Variants in GUCY2D observed in about 807,000 individuals in gnomAD.
GUCY2D encodes guanylate cyclase 2D, retinal.
Under a neutral mutation model 101.3 loss-of-function variants are expected in GUCY2D, and 70 were observed. That is an observed-to-expected ratio of 0.69 (90% CI 0.57 to 0.84). The LOEUF (loss-of-function observed/expected upper bound fraction) is 0.84, where lower values mean the gene tolerates loss of function less well. Among genes scored for constraint, GUCY2D ranks in the 40% least tolerant of loss-of-function variants. The pLI, the probability that GUCY2D is intolerant of heterozygous loss-of-function variation, is 0.00. For synonymous variants in GUCY2D, 688 were observed against 670.7 expected (o/e 1.03, Z -0.40); for missense variants, 1,460 against 1,542.5 (o/e 0.95, Z 0.90).
chr17:8,015,196 C>T, intron 14 of GUCY2D, 132 bp from the exon 15 acceptor site: 1 of 1,079,514 alleles, frequency 9.3e-7, no homozygotes, highest in Non-Finnish European at 1.4e-6. Context: ...TCCTCCAGTC[C>T]CCAGCTCAGT....
intron 6 of GUCY2D, 105 bp downstream of exon 6, chr17:8,007,633 C>CT: frequency 1.4e-6 from 1 of 739,512 alleles, no homozygotes; most frequent in South Asian, 1.5e-5. Flanking sequence ...AGCCTGATTT[C>CT]TACCCCAGTT....
At chr17:8,006,758 A>G in intron 4 of GUCY2D, 44 bp downstream of exon 4, 1 of 1,475,716 alleles carries the variant, frequency 6.8e-7, no homozygotes, top group South Asian at 1.2e-5. Flanking sequence ...ATCGCCATGG[A>G]CCATCCACAA....
chr17:8,006,231 G>A lies in GUCY2D; in HGVS notation c.1027-132G>A. 4.1e-6 allele frequency: 3 copies of A among 732,728 alleles called. No individual in the cohort carries two copies. The South Asian group carries it at 4.4e-5, about 11-fold the overall frequency. 45.4% of individuals were successfully genotyped at this position (732,728 alleles called of 1,614,324 possible). ...GGGGAGGGAGGAAGAGATAGCCAAT[G>A]GGGAGGGATCCTGGGAACAACTAAC... is the stretch of plus-strand genomic sequence containing the variant. On this transcript the variant is annotated intron_variant, in intron 3 of 19. Coordinates refer to ENST00000254854, the MANE Select transcript of GUCY2D (RefSeq NM_000180.4).
rs1975930611 is a variant in GUCY2D, at chr17:8,014,814, C to T, written c.2577-45C>T. 6.2e-7 allele frequency: 1 copy of T among 1,610,568 alleles called. No homozygotes were observed. Among genetic ancestry groups the T allele is most frequent in the Non-Finnish European group, 8.5e-7 (1 of 1,177,006 alleles). ...GCTGGGAGGGCAGCTGGAGCCCAGC[C>T]AGGTAGAGTGGCCCCCAGGTGACCT... On this transcript the variant is annotated intron_variant, in intron 13 of 19. Transcript: ENST00000254854. This position sits in a 1 kb window ranked among gnomAD's most constrained non-coding sequence, Gnocchi z 4.0.
At position 8,014,619 on chromosome 17, in the gene GUCY2D, G is replaced by A. The variant is rs1196292120; in HGVS notation, c.2431G>A (p.Gly811Ser). Residue 811 changes from glycine to serine, a missense_variant, in exon 13 of 20, where the codon GGC (glycine) becomes AGC (serine). Around this residue, in one of 3 missense-constraint regions of GUCY2D, gnomAD observed 1,196 missense variants for 1,229.6 expected, o/e 0.97. Coordinates refer to ENST00000254854, the MANE Select transcript of GUCY2D (RefSeq NM_000180.4). The surrounding 1 kb of genome is among the most constrained non-coding windows in gnomAD (Gnocchi z 4.0). ...TFDLFKNINK[G>S]RKTNIIDSML... is the part of the protein sequence containing the mutation. ...CTGCTAGTTCAAGAACATCAACAAGGGCCGGAAGACGAACATCATTGACTC... is the reference window on the plus strand; with the variant it reads ...CTGCTAGTTCAAGAACATCAACAAGAGCCGGAAGACGAACATCATTGACTC... 4.3e-6 allele frequency: 7 copies of A among 1,614,140 alleles called. No homozygotes were observed. Among genetic ancestry groups the A allele is most frequent in the Non-Finnish European group, 5.9e-6 (7 of 1,180,014 alleles).
At position 8,015,978 on chromosome 17, in the gene GUCY2D, ACTCGGG is replaced by A; in HGVS notation, c.3098_3103del (p.Ser1033_Gly1034del). 6.2e-7 allele frequency: 1 copy of A among 1,611,846 alleles called. No homozygotes were observed. The highest frequency in any genetic ancestry group is 8.5e-7 in the Non-Finnish European group (1 of 1,179,320). The stretch of plus-strand genomic sequence containing the variant: ...ACTGTGGGGATTCTCCGTGCTCTGG[ACTCGGG>A]CTACCAGGTGGAGCTGCGAGGCCGC... On this transcript the variant is annotated inframe_deletion, in exon 17 of 20. Coordinates refer to ENST00000254854, the MANE Select transcript of GUCY2D (RefSeq NM_000180.4).
At chr17:8,004,483 T>G (rs376076112) in intron 3 of GUCY2D, among the ~76,000 whole-genome samples, 2 of 152,262 alleles carry the variant, frequency 1.3e-5, no homozygotes, top group East Asian at 3.9e-4. Context: ...AAATACTTGG[T>G]GTTCTTGAAA....
At position 8,014,655 on chromosome 17, in the gene GUCY2D, A is replaced by G; in HGVS notation, c.2467A>G (p.Met823Val). ...GAACATCATTGACTCGATGCTTCGG[A>G]TGCTGGAGCAGTACTCTAGTAACCT... The part of the protein sequence containing the change: ...KTNIIDSMLR[M>V]LEQYSSNLED... Residue 823 changes from methionine (M) to valine (V), a missense_variant, in exon 13 of 20, where the codon ATG becomes GTG. Met to Val is a conservative substitution (Grantham distance 21). Around this residue, in one of 3 missense-constraint regions of GUCY2D, gnomAD observed 1,196 missense variants for 1,229.6 expected, o/e 0.97. Transcript: ENST00000254854. This position sits in a 1 kb window ranked among gnomAD's most constrained non-coding sequence, Gnocchi z 4.0. The G allele has an allele frequency of 6.8e-6, 11 of 1,613,962 alleles. No individual in the cohort carries two copies. Among genetic ancestry groups the G allele is most frequent in the Non-Finnish European group, 9.3e-6 (11 of 1,179,824 alleles).
In GUCY2D at chr17:8,003,506, C is replaced by T. The variant is rs2151799423; in HGVS notation, c.459C>T (p.Pro153=). The change falls in exon 2 of 20, where the codon CCC becomes CCT. Residue 153 remains proline (P), a synonymous_variant. Coordinates refer to ENST00000254854, the MANE Select transcript of GUCY2D (RefSeq NM_000180.4). ...TCGCGCTGGTGCCCTGGGGCTGCCC[C>T]TGGACGCAGGCGGAGGGCACCACGG... ...AGIALVPWGC[P]WTQAEGTTAP... 6.5e-7 allele frequency: 1 copy of T among 1,532,652 alleles called. No homozygotes were observed. The highest frequency in any genetic ancestry group is 8.7e-7 in the Non-Finnish European group (1 of 1,145,990). The allele number at this position is 1,532,652 out of a possible 1,614,324, so 94.9% of individuals were successfully genotyped here. A position where few individuals can be genotyped will look rare whatever the true frequency, so the allele number is the denominator to read the frequency against.
In GUCY2D at chr17:8,006,458, C is replaced by A. The variant is rs376364350; in HGVS notation, c.1122C>A (p.Ser374=). ...ARAAAGGRWV[S]GAAVARHIRD... ...CTGCCGCAGGTGGCAGATGGGTGTC[C>A]GGAGCAGCTGTGGCCCGCCACATCC... The change falls in exon 4 of 20, where the codon TCC becomes TCA. Residue 374 remains serine, a synonymous_variant. Coordinates refer to ENST00000254854, the MANE Select transcript of GUCY2D (RefSeq NM_000180.4). 1.2e-6 allele frequency: 2 copies of A among 1,605,496 alleles called. No homozygotes were observed. The highest frequency in any genetic ancestry group is 3.3e-5 in the Admixed American group (2 of 60,024).
chr17:8,006,726 C>A lies in GUCY2D; in HGVS notation c.1378+12C>A. 1 of 1,579,060 alleles carries A rather than the reference C, an allele frequency of 6.3e-7. No homozygotes were observed. Among genetic ancestry groups the A allele is most frequent in the Non-Finnish European group, 8.6e-7 (1 of 1,157,958 alleles). On this transcript the variant is annotated intron_variant, in intron 4 of 19. Coordinates refer to ENST00000254854, the MANE Select transcript of GUCY2D (RefSeq NM_000180.4). ...CATCTGCGGTGGAGGTGAGGGCGAG[C>A]ACCCCAGTCCCCACTGAGACAATCG...
rs1975911307 is a variant in GUCY2D, at chr17:8,014,008, A to C, written c.2392A>C (p.Met798Leu). Residue 798 changes from methionine to leucine, a missense_variant, in exon 12 of 20, where the codon ATG becomes CTG. Coordinates refer to ENST00000254854, the MANE Select transcript of GUCY2D (RefSeq NM_000180.4). This position sits in a 1 kb window ranked among gnomAD's most constrained non-coding sequence, Gnocchi z 4.0. ...AGAGCAGCCGGAACTTCGGCCCTCC[A>C]TGGACCACACCTTCGACCTGGTCAG... Reference protein sequence around the residue: ...WAEQPELRPSMDHTFDLFKNI... With the variant: ...WAEQPELRPSLDHTFDLFKNI... The C allele has an allele frequency of 6.2e-7, 1 of 1,613,428 alleles. No homozygotes were observed. The highest frequency in any genetic ancestry group is 8.5e-7 in the Non-Finnish European group (1 of 1,179,956).
Position 8,014,227 on chromosome 17 carries a change from G to C in GUCY2D, c.2412+199G>C. The C allele has an allele frequency of 4.7e-6, 3 of 642,956 alleles. No homozygotes were observed. Among genetic ancestry groups the C allele is most frequent in the Non-Finnish European group, 8.3e-6 (3 of 359,428 alleles). 39.8% of individuals were successfully genotyped at this position (642,956 alleles called of 1,614,324 possible). A position where few individuals can be genotyped will look rare whatever the true frequency, so the allele number is the denominator to read the frequency against. On this transcript the variant is annotated intron_variant, in intron 12 of 19. Coordinates refer to ENST00000254854, the MANE Select transcript of GUCY2D (RefSeq NM_000180.4). This position sits in a 1 kb window ranked among gnomAD's most constrained non-coding sequence, Gnocchi z 4.0. ...GTGGAGGCTTTTGGAGTGGGAGATAGAGTTCTGTCTGGGTGGGAGGAATAT... is the reference window on the plus strand; with the variant it reads ...GTGGAGGCTTTTGGAGTGGGAGATACAGTTCTGTCTGGGTGGGAGGAATAT...
Position 8,003,192 on chromosome 17 carries a change from GC to G in GUCY2D, c.148del (p.Leu50SerfsTer35). 6.6e-7 allele frequency: 1 copy of G among 1,517,456 alleles called. No individual in the cohort carries two copies. The allele number at this position is 1,517,456 out of a possible 1,614,324, so 94.0% of individuals were successfully genotyped here. A position where few individuals can be genotyped will look rare whatever the true frequency, so the allele number is the denominator to read the frequency against. ...LLLLLLLQPP[A>X]LSAVFTVGVL... ...GCTCCTGCTTCTGCTGCAGCCCCCCGCCCTCTCCGCCGTGTTCACGGTGGGG... is the reference window on the plus strand; with the variant it reads ...GCTCCTGCTTCTGCTGCAGCCCCCCGCCTCTCCGCCGTGTTCACGGTGGGG... On this transcript the variant is annotated frameshift_variant, in exon 2 of 20. Transcript: ENST00000254854. LOFTEE classifies it high-confidence loss of function.
Position 8,013,730 on chromosome 17 carries a change from C to T in GUCY2D, c.2264-150C>T. The T allele has an allele frequency of 1.4e-6, 1 of 695,798 alleles. No individual in the cohort carries two copies. Among genetic ancestry groups the T allele is most frequent in the South Asian group, 1.6e-5 (1 of 61,186 alleles). 43.1% of individuals were successfully genotyped at this position (695,798 alleles called of 1,614,324 possible). A position where few individuals can be genotyped will look rare whatever the true frequency, so the allele number is the denominator to read the frequency against. On this transcript the variant is annotated intron_variant, in intron 11 of 19. Transcript: ENST00000254854. The surrounding 1 kb of genome is among the most constrained non-coding windows in gnomAD (Gnocchi z 5.0). ...GCAACCCCCTTCCACACTATACTCT[C>T]CCTCCACACACACACACTGAACCTC... is the stretch of plus-strand genomic sequence containing the variant.
Position 8,003,994 on chromosome 17 carries a change from C to T in GUCY2D, c.864C>T (p.Gly288=). 1 of 1,613,528 alleles carries T rather than the reference C, an allele frequency of 6.2e-7. No individual in the cohort carries two copies. Among genetic ancestry groups the T allele is most frequent in the Non-Finnish European group, 8.5e-7 (1 of 1,179,942 alleles). Residue 288 remains glycine (G), a synonymous_variant, in exon 3 of 20, where the codon GGC becomes GGT. Transcript: ENST00000254854. ...FDTIHYALSP[G]PEALAALANS... ...CGATCCACTACGCCTTGTCCCCAGG[C>T]CCGGAGGCCTTGGCCGCACTCGCCA...
intron 8 of GUCY2D, 129 bp downstream of exon 8, chr17:8,009,715 G>T (rs1975813777): frequency 1.4e-6 from 1 of 721,712 alleles, no homozygotes; most frequent in South Asian, 1.4e-5. Context: ...TGGCTCATAC[G>T]TGTAATCCTG....
intron 6 of GUCY2D, 50 bp downstream of exon 6, chr17:8,007,578 G>A: frequency 8.0e-7 from 1 of 1,255,672 alleles, no homozygotes; most frequent in Middle Eastern, 1.9e-4. Flanking sequence ...CCGTAAATTT[G>A]GTTCCTTCCC....
intron 8 of GUCY2D, 54 bp from the exon 9 acceptor site, chr17:8,012,090 C>G: frequency 9.0e-6 from 11 of 1,223,266 alleles, no homozygotes; most frequent in South Asian, 1.2e-5. Context: ...GATTAACAGC[C>G]CCTTCCCCAC....
Sources: allele counts gnomAD v4.1 joint callset (sites outside exome capture counted in the v4.1 genomes callset), GRCh38; gene constraint gnomAD v4.1.1; regional missense constraint gnomAD v4.1.1; non-coding constraint Gnocchi (gnomAD v3.1); transcripts MANE v1.5; gene names NCBI Gene and HGNC (gene_info 2026-07-23, HGNC 2026-07-21).